The following SOS1 variants were observed in gnomAD, a reference collection of about 807,000 sequenced individuals.
SOS1 encodes the protein son of sevenless homolog 1.
SOS1 carries 25 observed loss-of-function variants against 157.6 expected under a neutral mutation model. The observed-to-expected ratio is 0.16, with a 90% CI of 0.12 to 0.22. SOS1 has a LOEUF of 0.22. SOS1 is among the 10% of genes least tolerant of loss of function. SOS1 has a pLI of 1.00. For synonymous variants in SOS1, 528 were observed against 534.0 expected (o/e 0.99, Z 0.16); for missense variants, 1,237 against 1,599.1 (o/e 0.77, Z 3.86).
At chr2:39,123,082 TTC>T (rs1673949353), upstream of SOS1, among the ~76,000 whole-genome samples, 2 of 152,298 alleles carry the variant, frequency 1.3e-5, no homozygotes, top group South Asian at 4.1e-4. Context: ...CACAGTAGCC[TTC>T]TGTCTATTCC....
chr2:39,001,155 A>G (rs1669085004), intron 17 of SOS1, among the ~76,000 whole-genome samples: 1 of 152,190 alleles, frequency 6.6e-6, no homozygotes, highest in Admixed American at 6.5e-5. Flanking sequence ...GCCTCCTGGC[A>G]GGTTCAAGCA....
intron 2 of SOS1, among the ~76,000 whole-genome samples, chr2:39,063,867 G>T (rs909177379): frequency 6.6e-6 from 1 of 151,456 alleles, no homozygotes; most frequent in African/African-American, 2.4e-5. Flanking sequence ...TTGAGACAGG[G>T]TCTCACTCTG....
chr2:38,989,431 G>T, intron 20 of SOS1, 117 bp from the exon 21 acceptor site: 1 of 714,324 alleles, frequency 1.4e-6, no homozygotes, highest in Non-Finnish European at 2.5e-6. Context: ...AAAGAATGCT[G>T]TAACAGTTTA....
At chr2:39,047,994 G>A (rs957247341) in intron 6 of SOS1, among the ~76,000 whole-genome samples, 10 of 152,124 alleles carry the variant, frequency 6.6e-5, no homozygotes, top group Admixed American at 4.6e-4. Context: ...CCCCAGATAT[G>A]AGTCTTTCAT....
intron 1 of SOS1, among the ~76,000 whole-genome samples, chr2:39,091,165 G>T (rs1347905889): frequency 6.6e-6 from 1 of 152,172 alleles, no homozygotes; most frequent in African/African-American, 2.4e-5. Context: ...CACTAGGCCT[G>T]GCCAAGCATT....
chr2:39,016,182 GTCA>G (rs1669623791), intron 10 of SOS1, among the ~76,000 whole-genome samples: 1 of 151,780 alleles, frequency 6.6e-6, no homozygotes, highest in African/African-American at 2.4e-5. Flanking sequence ...TTGATATGTG[GTCA>G]TCGAGATAAT....
At chr2:39,051,022 T>G (rs1350199150) in intron 6 of SOS1, 122 bp downstream of exon 6, 5 of 900,866 alleles carry the variant, frequency 5.6e-6, no homozygotes, top group Non-Finnish European at 9.1e-6. Context: ...AAAGGAGCAA[T>G]AACAGATAAA....
At chr2:39,082,668 T>C (rs1320216072) in intron 1 of SOS1, 3 of 152,176 alleles carry the variant, frequency 2.0e-5, no homozygotes, top group Non-Finnish European at 4.4e-5. Flanking sequence ...ATGACATGTA[T>C]ATTTGTGAAG....
chr2:39,122,495 G>A (rs1412840911), upstream of SOS1, among the ~76,000 whole-genome samples: 2 of 149,968 alleles, frequency 1.3e-5, no homozygotes, highest in African/African-American at 2.5e-5. Context: ...CCGGCCGGGC[G>A]CAGTGGCTCA....
At chr2:39,119,967 G>A (rs1447689015) in intron 1 of SOS1, among the ~76,000 whole-genome samples, 2 of 152,134 alleles carry the variant, frequency 1.3e-5, no homozygotes, top group Non-Finnish European at 2.9e-5. Flanking sequence ...CACCTAAAAC[G>A]GTAGGCTGAC....
At chr2:39,009,954 T>C (rs990690418) in intron 15 of SOS1, among the ~76,000 whole-genome samples, 1 of 152,120 alleles carries the variant, frequency 6.6e-6, no homozygotes, top group Admixed American at 6.5e-5. Context: ...ACAAATATTA[T>C]CATTTTCATC....
intron 2 of SOS1, among the ~76,000 whole-genome samples, chr2:39,064,989 C>G (rs1671546166): frequency 6.6e-6 from 1 of 151,524 alleles, no homozygotes; most frequent in African/African-American, 2.4e-5. Flanking sequence ...AACTCCCAAC[C>G]TTAGGTTATC....
chr2:39,013,566 A>G lies in SOS1; in HGVS notation c.2064-3T>C. 6.5e-7 allele frequency: 1 copy of G among 1,548,446 alleles called. No homozygotes were observed. The highest frequency in any genetic ancestry group is 8.9e-7 in the Non-Finnish European group (1 of 1,120,200). On this transcript the variant is annotated splice_region_variant and splice_polypyrimidine_tract_variant and intron_variant, in intron 12 of 22. Transcript: ENST00000402219. ...AGTGCCGACATACATTTAATACTCT[A>G]TGGCATTAACACAGAATTGAATTAC...
chr2:39,122,443 A>T (rs368974802), upstream of SOS1, among the ~76,000 whole-genome samples: 811 of 58,530 alleles, frequency 0.014, 3 homozygotes, highest in African/African-American at 0.059. Flanking sequence ...TTCAAAAAAA[A>T]ATATACACAC....
intron 1 of SOS1, among the ~76,000 whole-genome samples, chr2:39,091,299 T>C (rs1300194842): frequency 6.6e-6 from 1 of 152,202 alleles, no homozygotes; most frequent in Non-Finnish European, 1.5e-5. Context: ...GTAGTGAGCA[T>C]GTCTTACCTT....
At chr2:39,009,206 A>G (rs572056924) in intron 15 of SOS1, among the ~76,000 whole-genome samples, 1 of 152,314 alleles carries the variant, frequency 6.6e-6, no homozygotes, top group Non-Finnish European at 1.5e-5. Context: ...AAAAAGTACA[A>G]TAACTGAAAT....
At chr2:39,050,759 T>G (rs1354946745) in intron 6 of SOS1, among the ~76,000 whole-genome samples, 1 of 152,184 alleles carries the variant, frequency 6.6e-6, no homozygotes, top group Non-Finnish European at 1.5e-5. Context: ...ATGAAATAAC[T>G]TGCCACTGGT....
In SOS1 at chr2:39,023,142, A is replaced by G. The variant is rs755862687; in HGVS notation, c.1286T>C (p.Ile429Thr). 1.9e-6 allele frequency: 3 copies of G among 1,613,214 alleles called. No individual in the cohort carries two copies. Among genetic ancestry groups the G allele is most frequent in the Non-Finnish European group, 2.5e-6 (3 of 1,179,468 alleles). The change falls in exon 10 of 23, where the codon ATT becomes ACT. Residue 429 changes from isoleucine (I) to threonine (T), a missense_variant. Physicochemically the swap from Ile to Thr is moderately conservative, Grantham distance 89. Transcript: ENST00000402219. ...AATGTCTTTTCCCTCCCAACCATCAATATTCTTCTGAATCTCGTTCATCTT... is the reference window on the plus strand; with the variant it reads ...AATGTCTTTTCCCTCCCAACCATCAGTATTCTTCTGAATCTCGTTCATCTT... ...IKKMNEIQKN[I>T]DGWEGKDIGQ...
intron 1 of SOS1, among the ~76,000 whole-genome samples, chr2:39,087,441 A>G (rs755478344): frequency 1.3e-5 from 2 of 152,226 alleles, no homozygotes; most frequent in Non-Finnish European, 2.9e-5. Context: ...CATTTTTGTC[A>G]CAAAACAATT....
Sources: gnomAD v4.1 joint callset for allele counts (sites outside exome capture counted in the v4.1 genomes callset) on GRCh38, gnomAD v4.1.1 for gene constraint, MANE v1.5 for transcripts, NCBI Gene and HGNC (gene_info 2026-07-23, HGNC 2026-07-21) for gene names.